The following BANP variants were observed in gnomAD, a reference collection of about 807,000 sequenced individuals.
The protein encoded by BANP is BTG3 associated nuclear protein, also known as protein BANP.
In BANP, 11 loss-of-function variants were observed where a neutral mutation model predicts 68.1. That is an observed-to-expected ratio of 0.16 (90% CI 0.10 to 0.27). BANP has a LOEUF of 0.27. Ranked by LOEUF, BANP falls within the 10% of genes least tolerant of loss-of-function variation. BANP has a pLI of 1.00. For missense variants in BANP, 504 were observed against 722.7 expected (o/e 0.70, Z 3.47); for synonymous variants, 329 against 303.2 (o/e 1.09, Z -0.88).
rs889089083 is a variant in BANP, at chr16:88,057,932, C to G, written c.1312-7335C>G. Among the ~76,000 whole-genome samples the G allele has an allele frequency of 1.2e-4, 18 of 152,120 alleles. No individual in the cohort carries two copies. The highest frequency in any genetic ancestry group is 3.1e-4 in the African/African-American group (13 of 41,386). ...GCCTGTGTTCCGACAAGCCAGGCGC[C>G]GAGGCTCGGTGTGGGCCCGTGGGCC... On this transcript the variant is annotated intron_variant, in intron 11 of 13. Coordinates refer to ENST00000682872, the MANE Select transcript of BANP (RefSeq NM_001386991.1). The surrounding 1 kb of genome is among the most constrained non-coding windows in gnomAD (Gnocchi z 4.6).
chr16:88,060,600 C>T (rs1052829558), intron 11 of BANP, among the ~76,000 whole-genome samples: 14 of 152,242 alleles, frequency 9.2e-5, no homozygotes, highest in African/African-American at 3.1e-4. Flanking sequence ...GCCACGAGAA[C>T]GGTGCCATCT....
At chr16:87,963,671 C>T (rs548746748) in intron 1 of BANP, among the ~76,000 whole-genome samples, 10 of 152,302 alleles carry the variant, frequency 6.6e-5, no homozygotes, top group Middle Eastern at 3.4e-3. Context: ...GGAAAAAACC[C>T]GTTACGTTGT....
At chr16:87,952,903 T>C (rs938242364) in intron 1 of BANP, among the ~76,000 whole-genome samples, 4 of 152,152 alleles carry the variant, frequency 2.6e-5, no homozygotes, top group Admixed American at 2.6e-4. Flanking sequence ...GCCTCCTGAG[T>C]AGCTCGGACC....
At chr16:88,043,469 C>G (rs1467224463) in intron 11 of BANP, among the ~76,000 whole-genome samples, 2 of 152,216 alleles carry the variant, frequency 1.3e-5, no homozygotes, top group Non-Finnish European at 2.9e-5. Context: ...CTTTACTGCA[C>G]AATCCCTGTA....
intron 4 of BANP, among the ~76,000 whole-genome samples, chr16:87,997,547 G>C (rs1430671218): frequency 6.6e-6 from 1 of 152,032 alleles, no homozygotes; most frequent in Non-Finnish European, 1.5e-5. Flanking sequence ...GGGTGAAATA[G>C]CCAGGATGGC....
intron 2 of BANP, among the ~76,000 whole-genome samples, chr16:87,978,864 C>T (rs577142048): frequency 5.9e-5 from 9 of 152,348 alleles, no homozygotes; most frequent in Admixed American, 2.6e-4. Context: ...GTGATCGTCA[C>T]GGCTTCCCGC....
intron 8 of BANP, among the ~76,000 whole-genome samples, chr16:88,029,446 A>G (rs2077668895): frequency 6.6e-6 from 1 of 151,640 alleles, no homozygotes; most frequent in Non-Finnish European, 1.5e-5. Context: ...CGTCTCTACT[A>G]AAAGTGTCAA....
intron 1 of BANP, chr16:87,966,654 G>A (rs905105588): frequency 4.6e-5 from 7 of 152,186 alleles, no homozygotes; most frequent in Admixed American, 2.0e-4. Flanking sequence ...GAAGCCACTT[G>A]CAGAGCTTTT....
intron 11 of BANP, among the ~76,000 whole-genome samples, chr16:88,060,371 C>G (rs2086392878): frequency 6.6e-6 from 1 of 152,208 alleles, no homozygotes; most frequent in Non-Finnish European, 1.5e-5. Flanking sequence ...CTGGCCCACC[C>G]TCTGTTTAAA....
At chr16:88,052,564 C>G (rs2083494242) in intron 11 of BANP, among the ~76,000 whole-genome samples, 1 of 151,968 alleles carries the variant, frequency 6.6e-6, no homozygotes, top group Non-Finnish European at 1.5e-5. Flanking sequence ...ATCATCACCT[C>G]CACCTACTAC....
intron 5 of BANP, among the ~76,000 whole-genome samples, chr16:88,005,136 A>G (rs1401928175): frequency 6.6e-6 from 1 of 152,124 alleles, no homozygotes; most frequent in Non-Finnish European, 1.5e-5. Flanking sequence ...CCAGGGCCGC[A>G]GCTGTGGTCG....
At chr16:88,042,956 A>G (rs1417913905) in intron 11 of BANP, among the ~76,000 whole-genome samples, 7 of 152,346 alleles carry the variant, frequency 4.6e-5, no homozygotes, top group Admixed American at 3.9e-4. Flanking sequence ...TTTTCAAAAA[A>G]TTAAAATACT....
In BANP at chr16:88,060,434, C is replaced by T. The variant is rs548784839; in HGVS notation, c.1312-4833C>T. Among the ~76,000 whole-genome samples, 420 of 152,320 alleles carry T rather than the reference C, an allele frequency of 2.8e-3. 1 individual carries two copies. The highest frequency in any genetic ancestry group is 6.8e-3 in the Middle Eastern group (2 of 294). On this transcript the variant is annotated intron_variant, in intron 11 of 13. Transcript: ENST00000682872. Reference sequence around the variant, plus strand: ...GGGAGATCAGCTGACGTTGGACACGCGAGTGATCCTGTGTGGAGGCTTCCG... The same window carrying T: ...GGGAGATCAGCTGACGTTGGACACGTGAGTGATCCTGTGTGGAGGCTTCCG...
intron 5 of BANP, among the ~76,000 whole-genome samples, chr16:88,005,849 C>A (rs1057393336): frequency 3.9e-5 from 6 of 152,212 alleles, no homozygotes; most frequent in African/African-American, 1.4e-4. Flanking sequence ...TGATTTTACT[C>A]CTTTTGTGAT....
chr16:88,041,685 C>T (rs1277009215), intron 11 of BANP, among the ~76,000 whole-genome samples: 1 of 3,064 alleles, frequency 3.3e-4, no homozygotes, highest in Non-Finnish European at 0.014. Flanking sequence ...ACGACACCCG[C>T]ATCCTCTGGT....
chr16:88,021,488 G>A (rs1020102232), intron 7 of BANP, among the ~76,000 whole-genome samples: 14 of 152,164 alleles, frequency 9.2e-5, no homozygotes, highest in Admixed American at 9.2e-4. Context: ...GTGTGGAGGG[G>A]CCTGGAGCAA....
chr16:87,996,267 C>G (rs78173247), intron 4 of BANP, among the ~76,000 whole-genome samples: 3,284 of 152,328 alleles, frequency 0.022, 116 homozygotes, highest in African/African-American at 0.076. Context: ...CGGGACCCAC[C>G]TGGCGTCTCA....
intron 1 of BANP, among the ~76,000 whole-genome samples, chr16:87,969,801 G>T (rs73242912): frequency 0.33 from 49,505 of 151,844 alleles, 10,386 homozygotes; most frequent in African/African-American, 0.57. Flanking sequence ...CAAAGTGCTG[G>T]ATTACAGGCA....
chr16:88,014,835 C>T (rs149666436), intron 6 of BANP, among the ~76,000 whole-genome samples: 5 of 152,064 alleles, frequency 3.3e-5, no homozygotes, highest in African/African-American at 4.8e-5. Flanking sequence ...TGCTTGGTGT[C>T]GCTGGAGACC....
Sources: allele counts gnomAD v4.1 joint callset (sites outside exome capture counted in the v4.1 genomes callset), GRCh38; gene constraint gnomAD v4.1.1; non-coding constraint Gnocchi (gnomAD v3.1); transcripts MANE v1.5; gene names NCBI Gene and HGNC (gene_info 2026-07-23, HGNC 2026-07-21).